TAPT1: variants seen among roughly 807,000 people sequenced by gnomAD.
The protein encoded by TAPT1 is transmembrane anterior posterior transformation 1, also known as transmembrane anterior posterior transformation protein 1 homolog.
TAPT1 carries 28 observed loss-of-function variants against 65.6 expected under a neutral mutation model. The ratio of observed to expected loss-of-function variants is 0.43; its 90% CI spans 0.32 to 0.59. The LOEUF (loss-of-function observed/expected upper bound fraction) is 0.59. TAPT1 is among the 20% of genes least tolerant of loss of function. The pLI, the probability that TAPT1 is intolerant of heterozygous loss-of-function variation, is 0.09. For synonymous variants in TAPT1, 278 were observed against 245.2 expected, an observed-to-expected ratio of 1.13 and a Z score of -1.25; for missense variants, 563 against 679.9, an observed-to-expected ratio of 0.83 and a Z score of 1.91.
intron 11 of TAPT1, among the ~76,000 whole-genome samples, chr4:16,172,248 A>C (rs562407679): frequency 2.0e-5 from 3 of 152,302 alleles, no homozygotes; most frequent in South Asian, 2.1e-4. Flanking sequence ...ATACTATTTC[A>C]AAAAAAGTTC....
In TAPT1 at chr4:16,186,745, A is replaced by G. The variant is rs754636689; in HGVS notation, c.846+36T>C. ...AGAGTATTGCAGCTGAAATGCCTGT[A>G]TAACTTCAAAAATGTAAGATAAATC... On this transcript the variant is annotated intron_variant, in intron 6 of 13. Coordinates refer to ENST00000405303, the MANE Select transcript of TAPT1 (RefSeq NM_153365.3). The G allele has an allele frequency of 6.0e-6, 9 of 1,505,818 alleles. No homozygotes were observed. In the South Asian group the frequency reaches 6.9e-5, roughly 11 times the overall value. 93.3% of individuals were successfully genotyped at this position (1,505,818 alleles called of 1,614,324 possible).
chr4:16,168,251 C>A (rs748265707), intron 12 of TAPT1, among the ~76,000 whole-genome samples: 10 of 152,076 alleles, frequency 6.6e-5, no homozygotes, highest in Admixed American at 1.3e-4. Flanking sequence ...CAGCTGGGAC[C>A]ACAGGCGTAT....
At chr4:16,192,028 T>C (rs1226062218) in intron 3 of TAPT1, among the ~76,000 whole-genome samples, 2 of 152,262 alleles carry the variant, frequency 1.3e-5, no homozygotes, top group African/African-American at 2.4e-5. Flanking sequence ...CCATAATTTA[T>C]TTAACGTATA....
chr4:16,175,246 T>C (rs944005051), intron 9 of TAPT1, among the ~76,000 whole-genome samples: 1 of 152,118 alleles, frequency 6.6e-6, no homozygotes, highest in Non-Finnish European at 1.5e-5. Flanking sequence ...TAATTTTGAC[T>C]TCAGATGCTA....
At chr4:16,174,554 T>G in intron 10 of TAPT1, 116 bp downstream of exon 10, 1 of 889,388 alleles carries the variant, frequency 1.1e-6, no homozygotes, top group Non-Finnish European at 1.7e-6. Context: ...TAGAGATCAG[T>G]AGGCAGTTTA....
intron 13 of TAPT1, among the ~76,000 whole-genome samples, chr4:16,165,181 C>G (rs1005242668): frequency 6.6e-6 from 1 of 152,120 alleles, no homozygotes; most frequent in South Asian, 2.1e-4. Context: ...TATTTGGACC[C>G]CTGTAGTTAC....
chr4:16,174,163 G>A (rs1381838021), intron 11 of TAPT1, 41 bp downstream of exon 11: 2 of 1,373,654 alleles, frequency 1.5e-6, no homozygotes, highest in Admixed American at 2.0e-5. Flanking sequence ...CTATAATGAT[G>A]GCTACTTTGT....
intron 3 of TAPT1, among the ~76,000 whole-genome samples, chr4:16,198,162 A>G (rs1442758250): frequency 1.3e-5 from 2 of 152,200 alleles, no homozygotes; most frequent in Non-Finnish European, 1.5e-5. Flanking sequence ...CCTCAGCCTT[A>G]GTGAAGGGAC....
At chr4:16,210,257 C>G (rs1024877452) in intron 2 of TAPT1, among the ~76,000 whole-genome samples, 1 of 152,176 alleles carries the variant, frequency 6.6e-6, no homozygotes, top group Non-Finnish European at 1.5e-5. Flanking sequence ...AATCATGCCC[C>G]TTGCAGGGTT....
In TAPT1 at chr4:16,194,859, GTCT is replaced by G. The variant is rs71649940; in HGVS notation, c.450-3339_450-3337del. Among the ~76,000 whole-genome samples the G allele has an allele frequency of 1.8e-3, 265 of 146,990 alleles. 4 individuals are homozygous for G. Among genetic ancestry groups the G allele is most frequent in the African/African-American group, 3.9e-3 (146 of 37,436 alleles). On this transcript the variant is annotated intron_variant, in intron 3 of 13. Coordinates refer to ENST00000405303, the MANE Select transcript of TAPT1 (RefSeq NM_153365.3). ...TTAAAAAACAAGGGTCTTGATTTCT[GTCT>G]TCTTCTTCTTCTTCTTCTTCTTCTT...
At chr4:16,181,968 G>T (rs1455593670) in intron 7 of TAPT1, among the ~76,000 whole-genome samples, 1 of 152,180 alleles carries the variant, frequency 6.6e-6, no homozygotes, top group Non-Finnish European at 1.5e-5. Flanking sequence ...GATGAAGGAT[G>T]TGAAGGATGG....
intron 11 of TAPT1, among the ~76,000 whole-genome samples, chr4:16,173,888 C>T (rs1748160445): frequency 1.3e-5 from 2 of 152,072 alleles, no homozygotes; most frequent in African/African-American, 2.4e-5. Flanking sequence ...GCAGTGGCCA[C>T]GTTAATGACC....
At chr4:16,222,476 A>G (rs1751307402) in intron 1 of TAPT1, among the ~76,000 whole-genome samples, 1 of 152,170 alleles carries the variant, frequency 6.6e-6, no homozygotes, top group African/African-American at 2.4e-5. Flanking sequence ...CTAGATCATA[A>G]TTTTAGAATC....
chr4:16,187,919 G>C (rs1262866818), intron 5 of TAPT1, among the ~76,000 whole-genome samples: 1 of 152,068 alleles, frequency 6.6e-6, no homozygotes, highest in Non-Finnish European at 1.5e-5. Context: ...AAATTATATA[G>C]ATCTATATCA....
At chr4:16,184,417 T>G in intron 7 of TAPT1, among the ~76,000 whole-genome samples, 1 of 152,214 alleles carries the variant, frequency 6.6e-6, no homozygotes, top group East Asian at 1.9e-4. Flanking sequence ...TTCCTACTGA[T>G]AGCTATTTGG....
intron 2 of TAPT1, among the ~76,000 whole-genome samples, chr4:16,204,895 A>G (rs561206214): frequency 3.9e-5 from 6 of 152,404 alleles, no homozygotes; most frequent in East Asian, 1.9e-4. Flanking sequence ...AAAGTTTAAC[A>G]TAAGTTTTTA....
Position 16,163,240 on chromosome 4 carries a change from T to C in TAPT1, c.*68A>G, listed in dbSNP as rs1747367735. ...ATATTTAAGTGCCATGTTTAGCATCTATTTGTCCTGGCAACACAGCACTTG... is the reference window on the plus strand; with the variant it reads ...ATATTTAAGTGCCATGTTTAGCATCCATTTGTCCTGGCAACACAGCACTTG... On this transcript the variant is annotated 3_prime_UTR_variant, in exon 14 of 14. Transcript: ENST00000405303. The C allele has an allele frequency of 9.2e-7, 1 of 1,082,714 alleles. No homozygotes were observed. Among genetic ancestry groups the C allele is most frequent in the Non-Finnish European group, 1.4e-6 (1 of 705,310 alleles). 67.1% of individuals were successfully genotyped at this position (1,082,714 alleles called of 1,614,324 possible).
At chr4:16,195,560 T>C (rs1425410824) in intron 3 of TAPT1, among the ~76,000 whole-genome samples, 1 of 152,224 alleles carries the variant, frequency 6.6e-6, no homozygotes, top group African/African-American at 2.4e-5. Flanking sequence ...ACAGAATTCT[T>C]TTAAAAATTT....
intron 7 of TAPT1, among the ~76,000 whole-genome samples, chr4:16,182,275 T>C (rs766164510): frequency 6.6e-6 from 1 of 152,160 alleles, no homozygotes; most frequent in Non-Finnish European, 1.5e-5. Context: ...ATACTGATAA[T>C]CAAACATATA....
Sources: allele counts gnomAD v4.1 joint callset (sites outside exome capture counted in the v4.1 genomes callset), GRCh38; gene constraint gnomAD v4.1.1; transcripts MANE v1.5; gene names NCBI Gene and HGNC (gene_info 2026-07-23, HGNC 2026-07-21).